Variants in CASK observed in about 807,000 individuals in gnomAD.
CASK encodes peripheral plasma membrane protein CASK.
Under a neutral mutation model 82.9 loss-of-function variants are expected in CASK, and 4 were observed. The observed-to-expected ratio is 0.05, with a 90% CI of 0.02 to 0.11. The LOEUF is 0.11. Among genes scored for constraint, CASK ranks in the 10% least tolerant of loss-of-function variants. CASK has a pLI of 1.00. For synonymous variants in CASK, 259 were observed against 253.5 expected (o/e 1.02, Z -0.20); for missense variants, 358 against 720.9 (o/e 0.50, Z 5.76).
intron 5 of CASK, chrX:41,695,768 C>A (rs1442606824): frequency 4.1e-6 from 5 of 1,208,292 alleles, no homozygotes; most frequent in African/African-American, 3.5e-5. Context: ...ATGTTACTAC[C>A]TGTCCCATGG....
Position 41,578,139 on chromosome X carries a change from C to T in CASK, c.1503+201G>A, listed in dbSNP as rs2065509557. Among the ~76,000 whole-genome samples, 3 of 111,022 alleles carry T rather than the reference C, an allele frequency of 2.7e-5. No individual in the cohort carries two copies. The Admixed American group carries it at 2.9e-4, about 11-fold the overall frequency. Reference sequence around the variant, plus strand: ...GTGAAAGGAGAGGTGAGAAAGAGAACCGGAATGCCTAAGACAGTTTCAGGC... The same window carrying T: ...GTGAAAGGAGAGGTGAGAAAGAGAATCGGAATGCCTAAGACAGTTTCAGGC... On this transcript the variant is annotated intron_variant, in intron 15 of 26. Transcript: ENST00000378163.
intron 8 of CASK, among the ~76,000 whole-genome samples, chrX:41,659,026 A>G (rs2066987277): frequency 9.0e-6 from 1 of 111,221 alleles, no homozygotes; most frequent in Non-Finnish European, 1.9e-5. Context: ...TTATGTCTAT[A>G]TAAGAGTGTG....
rs182476829 is a variant in CASK at position 41,725,302 on chromosome X, A to C, written c.429+14082T>G. 2.9e-4 allele frequency among the ~76,000 whole-genome samples: 32 copies of C among 111,768 alleles called. No individual in the cohort carries two copies. The East Asian group carries it at 3.9e-3, about 14-fold the overall frequency. On this transcript the variant is annotated intron_variant, in intron 5 of 26. Transcript: ENST00000378163. ...ATTATAATATCATATTTGAAAAAAAACCCCAATTTCTGTAATCCAAGATGC... is the reference window on the plus strand; with the variant it reads ...ATTATAATATCATATTTGAAAAAAACCCCCAATTTCTGTAATCCAAGATGC...
intron 1 of CASK, among the ~76,000 whole-genome samples, chrX:41,910,423 T>C (rs1367753437): frequency 9.0e-6 from 1 of 111,721 alleles, no homozygotes; most frequent in Non-Finnish European, 1.9e-5. Flanking sequence ...AAATGTTTCC[T>C]TAAAATCCCT....
At chrX:41,886,453 T>C (rs2072050104) in intron 1 of CASK, among the ~76,000 whole-genome samples, 1 of 111,653 alleles carries the variant, frequency 9.0e-6, no homozygotes, top group South Asian at 3.7e-4. Context: ...AAGACATCTT[T>C]AAAGTCAAGC....
intron 3 of CASK, among the ~76,000 whole-genome samples, chrX:41,751,232 A>G (rs369636868): frequency 2.7e-5 from 3 of 111,051 alleles, no homozygotes; most frequent in South Asian, 3.8e-4. Flanking sequence ...ACAGGCATGC[A>G]CCACCACACC....
chrX:41,642,621 A>G (rs1450655137), intron 8 of CASK, among the ~76,000 whole-genome samples: 1 of 111,698 alleles, frequency 9.0e-6, no homozygotes, highest in African/African-American at 3.3e-5. Flanking sequence ...AAATTTGTTT[A>G]AGTTCTTTGT....
At chrX:41,626,809 A>G (rs2066386275) in intron 9 of CASK, 106 bp from the exon 10 acceptor site, 2 of 540,478 alleles carry the variant, frequency 3.7e-6, no homozygotes, top group Admixed American at 2.8e-5. Context: ...AGTCAAATAT[A>G]TAGGAGATGA....
chrX:41,878,672 G>T (rs755596905), intron 1 of CASK, among the ~76,000 whole-genome samples: 1 of 110,818 alleles, frequency 9.0e-6, no homozygotes, highest in African/African-American at 3.3e-5. Context: ...AAGTGTAAAT[G>T]TAACAGTTTT....
chrX:41,775,306 C>T (rs371133802), intron 3 of CASK, among the ~76,000 whole-genome samples: 7 of 111,456 alleles, frequency 6.3e-5, no homozygotes, highest in South Asian at 3.8e-4. Flanking sequence ...ACTGGCCATC[C>T]GAGAAATGCA....
chrX:41,822,297 T>C (rs1253239747), intron 2 of CASK, among the ~76,000 whole-genome samples: 1 of 110,975 alleles, frequency 9.0e-6, no homozygotes, highest in Non-Finnish European at 1.9e-5. Context: ...GTGGCTCACA[T>C]CTATAATCCT....
At chrX:41,710,104 T>TGTGTGTGTGTGTGTGTGTGTGTGC (rs2147626070) in intron 5 of CASK, among the ~76,000 whole-genome samples, 1 of 104,397 alleles carries the variant, frequency 9.6e-6, no homozygotes, top group Non-Finnish European at 2.0e-5. Context: ...TGTGTGTGTG[T>TGTGTGTGTGTGTGTGTGTGTGTGC]GTGTGTGTGT....
chrX:41,738,191 T>C (rs1295098980), intron 5 of CASK, among the ~76,000 whole-genome samples: 1 of 112,615 alleles, frequency 8.9e-6, no homozygotes, highest in Non-Finnish European at 1.9e-5. Flanking sequence ...GCCAGGCTGG[T>C]CTTGAACTCC....
chrX:41,718,596 G>A (rs2068104849), intron 5 of CASK, among the ~76,000 whole-genome samples: 1 of 112,489 alleles, frequency 8.9e-6, no homozygotes, highest in Non-Finnish European at 1.9e-5. Context: ...TGGTCACAGA[G>A]GTCATCTGTT....
chrX:41,568,178 T>C (rs1377663358), intron 16 of CASK, among the ~76,000 whole-genome samples: 2 of 108,364 alleles, frequency 1.8e-5, no homozygotes, highest in African/African-American at 6.8e-5. Flanking sequence ...ACATGGCACA[T>C]GTATACCTAT....
chrX:41,599,687 A>T (rs1030544938), intron 12 of CASK, among the ~76,000 whole-genome samples: 1 of 112,272 alleles, frequency 8.9e-6, no homozygotes, highest in African/African-American at 3.2e-5. Flanking sequence ...CCAGTGTGGC[A>T]GATTTCTGGT....
chrX:41,822,557 C>CAAAAA (rs61374081), intron 2 of CASK, among the ~76,000 whole-genome samples: 5 of 50,665 alleles, frequency 9.9e-5, no homozygotes, highest in Non-Finnish European at 1.3e-4. Flanking sequence ...GACTCCGTCT[C>CAAAAA]AAAAAAAAAA....
intron 2 of CASK, among the ~76,000 whole-genome samples, chrX:41,798,462 C>T (rs2069912382): frequency 8.9e-6 from 1 of 112,676 alleles, no homozygotes; most frequent in Non-Finnish European, 1.9e-5. Context: ...CATTTAACCT[C>T]GCAATAATTC....
chrX:41,677,879 T>C (rs754806344), intron 5 of CASK, among the ~76,000 whole-genome samples: 3 of 112,459 alleles, frequency 2.7e-5, no homozygotes, highest in Non-Finnish European at 3.8e-5. Flanking sequence ...CAGGCAAAAA[T>C]AAAACAAAAA....
Sources: gnomAD v4.1 joint callset for allele counts (sites outside exome capture counted in the v4.1 genomes callset) on GRCh38, gnomAD v4.1.1 for gene constraint, MANE v1.5 for transcripts, NCBI Gene and HGNC (gene_info 2026-07-23, HGNC 2026-07-21) for gene names.